The following ADGRL4 variants were observed in gnomAD, a reference collection of about 807,000 sequenced individuals.
ADGRL4 encodes EGF, latrophilin and seven transmembrane domain containing 1.
ADGRL4 carries 90 observed loss-of-function variants against 74.8 expected under a neutral mutation model. That is an observed-to-expected ratio of 1.20 (90% CI 1.02 to 1.43). ADGRL4 has a LOEUF of 1.43. ADGRL4 is among the 40% of genes most tolerant of loss of function. The pLI, the probability that ADGRL4 is intolerant of heterozygous loss-of-function variation, is 0.00. For synonymous variants in ADGRL4, 311 were observed against 279.2 expected, an observed-to-expected ratio of 1.11 and a Z score of -1.14; for missense variants, 881 against 814.3, an observed-to-expected ratio of 1.08 and a Z score of -1.00.
chr1:78,908,919 T>C (rs1479400701), intron 12 of ADGRL4, among the ~76,000 whole-genome samples: 1 of 151,976 alleles, frequency 6.6e-6, no homozygotes, highest in African/African-American at 2.4e-5. Context: ...CTCTCATATA[T>C]AGGAACATAT....
intron 7 of ADGRL4, among the ~76,000 whole-genome samples, chr1:78,933,222 A>T (rs7521811): frequency 0.61 from 91,341 of 150,926 alleles, 28,427 homozygotes; most frequent in East Asian, 0.7. Context: ...ATCAAAAAAC[A>T]TATCCACCAC....
chr1:78,891,039 T>C lies in ADGRL4; in HGVS notation c.*115A>G, dbSNP rs1648259314. 1 of 1,051,070 alleles carries C rather than the reference T, an allele frequency of 9.5e-7. No homozygotes were observed. Among genetic ancestry groups the C allele is most frequent in the Non-Finnish European group, 1.5e-6 (1 of 679,626 alleles). The allele number at this position is 1,051,070 out of a possible 1,614,324, so 65.1% of individuals were successfully genotyped here. Reference sequence around the variant, plus strand: ...AAACAGAAAAACTGATTTAAAATACTTTTTGTCTAGTAGTTAATAATTGGA... The same window carrying C: ...AAACAGAAAAACTGATTTAAAATACCTTTTGTCTAGTAGTTAATAATTGGA... On this transcript the variant is annotated 3_prime_UTR_variant, in exon 15 of 15. Transcript: ENST00000370742.
chr1:78,894,906 GT>G (rs1218250788), intron 12 of ADGRL4, among the ~76,000 whole-genome samples: 1 of 151,934 alleles, frequency 6.6e-6, no homozygotes, highest in Non-Finnish European at 1.5e-5. Context: ...ATAAAACTGA[GT>G]TTGAAAAATA....
intron 12 of ADGRL4, 100 bp from the exon 13 acceptor site, chr1:78,893,289 A>C (rs899595948): frequency 2.6e-6 from 2 of 769,728 alleles, no homozygotes; most frequent in Non-Finnish European, 4.2e-6. Context: ...ATAGAAACTA[A>C]AAATCATGGC....
rs183373277 is a variant in ADGRL4, at chr1:78,947,304, G to A, written c.173-878C>T. Among the ~76,000 whole-genome samples, 7 of 152,280 alleles carry A rather than the reference G, an allele frequency of 4.6e-5. No individual in the cohort carries two copies. The East Asian group carries it at 5.8e-4, about 13-fold the overall frequency. On this transcript the variant is annotated intron_variant, in intron 2 of 14. Transcript: ENST00000370742. ...AAGGTCATACTCGATTATGGTGGGC[G>A]CTAATTCAATGATTGACATCCTTAT...
chr1:78,923,919 A>G (rs1649056278), intron 8 of ADGRL4, among the ~76,000 whole-genome samples: 1 of 151,954 alleles, frequency 6.6e-6, no homozygotes. Context: ...CCAAGAAATC[A>G]TTGTAGAAAA....
chr1:78,969,462 G>T (rs1650125458), intron 2 of ADGRL4, among the ~76,000 whole-genome samples: 1 of 152,146 alleles, frequency 6.6e-6, no homozygotes, highest in Admixed American at 6.6e-5. Context: ...GGAGCTCCAA[G>T]TTTATCTTGG....
At chr1:78,996,556 T>C (rs1158491938) in intron 2 of ADGRL4, among the ~76,000 whole-genome samples, 1 of 152,194 alleles carries the variant, frequency 6.6e-6, no homozygotes. Flanking sequence ...CTCATGACTT[T>C]CTTAAGCTTT....
intron 2 of ADGRL4, among the ~76,000 whole-genome samples, chr1:78,986,741 T>A (rs542069089): frequency 2.1e-3 from 323 of 151,988 alleles, no homozygotes; most frequent in Non-Finnish European, 3.6e-3. Flanking sequence ...GTGCTTTCAC[T>A]AAAATTAAAA....
chr1:78,999,798 A>ATCTG (rs1650801208), intron 2 of ADGRL4, among the ~76,000 whole-genome samples: 1 of 140,626 alleles, frequency 7.1e-6, no homozygotes, highest in Non-Finnish European at 1.5e-5. Flanking sequence ...ATATCTATCT[A>ATCTG]TCTATCTATC....
At chr1:78,945,177 A>AAAAATAT (rs376405445) in intron 3 of ADGRL4, among the ~76,000 whole-genome samples, 13 of 127,926 alleles carry the variant, frequency 1.0e-4, no homozygotes, top group East Asian at 8.3e-4. Context: ...AAAAAAAAAA[A>AAAAATAT]ATATATATAT....
chr1:78,997,630 CAG>C (rs1328694325), intron 2 of ADGRL4, among the ~76,000 whole-genome samples: 2 of 152,054 alleles, frequency 1.3e-5, no homozygotes, highest in African/African-American at 4.8e-5. Flanking sequence ...GCATATAAAT[CAG>C]AGTGTTTTCT....
At chr1:78,980,883 C>T (rs1016668569) in intron 2 of ADGRL4, among the ~76,000 whole-genome samples, 1 of 151,836 alleles carries the variant, frequency 6.6e-6, no homozygotes, top group South Asian at 2.1e-4. Flanking sequence ...TAAATGTAAC[C>T]GAAATTTCTA....
At chr1:78,952,458 A>G (rs1197680269) in intron 2 of ADGRL4, among the ~76,000 whole-genome samples, 1 of 151,356 alleles carries the variant, frequency 6.6e-6, no homozygotes, top group Non-Finnish European at 1.5e-5. Flanking sequence ...ATCCTTCTCA[A>G]TCAATTATGG....
intron 2 of ADGRL4, among the ~76,000 whole-genome samples, chr1:78,960,895 G>A (rs1649938262): frequency 6.6e-6 from 1 of 152,146 alleles, no homozygotes; most frequent in Non-Finnish European, 1.5e-5. Context: ...ATGAATTTTT[G>A]TTGTTTACAA....
At chr1:78,922,649 C>T (rs1649023686) in intron 8 of ADGRL4, among the ~76,000 whole-genome samples, 1 of 151,940 alleles carries the variant, frequency 6.6e-6, no homozygotes, top group South Asian at 2.1e-4. Flanking sequence ...ACAATTTACA[C>T]TTAACTAGGT....
chr1:78,943,451 C>T (rs974415609), intron 3 of ADGRL4, among the ~76,000 whole-genome samples: 1 of 152,178 alleles, frequency 6.6e-6, no homozygotes, highest in Non-Finnish European at 1.5e-5. Context: ...CCAGCGCTTT[C>T]TGCAGCAAAA....
At chr1:78,897,792 T>C (rs1207040989) in intron 12 of ADGRL4, among the ~76,000 whole-genome samples, 4 of 152,102 alleles carry the variant, frequency 2.6e-5, no homozygotes, top group Non-Finnish European at 5.9e-5. Flanking sequence ...TAAAGAAAAA[T>C]GTAAGTTTTC....
At chr1:78,946,635 A>G (rs1649606799) in intron 2 of ADGRL4, among the ~76,000 whole-genome samples, 1 of 152,148 alleles carries the variant, frequency 6.6e-6, no homozygotes, top group East Asian at 1.9e-4. Flanking sequence ...AAAGCAAAAT[A>G]GTATCTCTTA....
Sources: allele counts gnomAD v4.1 joint callset (sites outside exome capture counted in the v4.1 genomes callset), GRCh38; gene constraint gnomAD v4.1.1; transcripts MANE v1.5; gene names NCBI Gene and HGNC (gene_info 2026-07-23, HGNC 2026-07-21).